FRA10AC1: variants seen among roughly 807,000 people sequenced by gnomAD.
FRA10AC1 encodes FRA10A associated CGG repeat 1.
A neutral mutation model predicts 56.5 loss-of-function variants in FRA10AC1; 43 were observed. The ratio of observed to expected loss-of-function variants is 0.76; its 90% CI spans 0.60 to 0.98. The LOEUF is 0.98. Among genes scored for constraint, FRA10AC1 ranks in the 50% least tolerant of loss-of-function variants. The pLI, the probability that FRA10AC1 is intolerant of heterozygous loss-of-function variation, is 0.00. For synonymous variants in FRA10AC1, 112 were observed against 110.5 expected, an observed-to-expected ratio of 1.01 and a Z score of -0.09; for missense variants, 346 against 351.8, an observed-to-expected ratio of 0.98 and a Z score of 0.13.
At chr10:93,699,631 C>T (rs1179326366) in intron 2 of FRA10AC1, among the ~76,000 whole-genome samples, 1 of 152,226 alleles carries the variant, frequency 6.6e-6, no homozygotes, top group Non-Finnish European at 1.5e-5. Flanking sequence ...CTGCATTATA[C>T]TTTCATCCTC....
In FRA10AC1 at chr10:93,687,455, A is replaced by G; in HGVS notation, c.466-6T>C. The G allele has an allele frequency of 2.0e-6, 3 of 1,507,810 alleles. No individual in the cohort carries two copies. Among genetic ancestry groups the G allele is most frequent in the Non-Finnish European group, 2.7e-6 (3 of 1,112,434 alleles). The allele number at this position is 1,507,810 out of a possible 1,614,324, so 93.4% of individuals were successfully genotyped here. A position where few individuals can be genotyped will look rare whatever the true frequency, so the allele number is the denominator to read the frequency against. On this transcript the variant is annotated splice_polypyrimidine_tract_variant and splice_region_variant and intron_variant, in intron 7 of 13. Coordinates refer to ENST00000359204, the MANE Select transcript of FRA10AC1 (RefSeq NM_145246.5). ...ACTCGCCACCTAAATCCAAACTGAT[A>G]ATAAAAAAATTACATTTATGCCAAT...
chr10:93,687,311 T>C (rs1589722230), intron 8 of FRA10AC1, 93 bp downstream of exon 8: 3 of 991,382 alleles, frequency 3.0e-6, no homozygotes, highest in Non-Finnish European at 4.3e-6. Context: ...TAATAATTTC[T>C]TGTATATGTT....
At chr10:93,677,985 A>G (rs2058872650) in intron 11 of FRA10AC1, among the ~76,000 whole-genome samples, 1 of 152,256 alleles carries the variant, frequency 6.6e-6, no homozygotes, top group Admixed American at 6.5e-5. Context: ...AAGCACTATT[A>G]GGAATTAGAG....
At chr10:93,688,403 G>A (rs1181805642) in intron 7 of FRA10AC1, among the ~76,000 whole-genome samples, 2 of 152,148 alleles carry the variant, frequency 1.3e-5, no homozygotes, top group Non-Finnish European at 2.9e-5. Context: ...GGCAGTGCAA[G>A]TATTCTCTAT....
Position 93,692,723 on chromosome 10 carries a change from AT to A in FRA10AC1, c.302del (p.Asn101MetfsTer25). ...GTATAACATCCAAGTCTGTCTTGTC[AT>A]TTTCCCTGGAAAACAGAACTTTTTC... ...KKEDFKRLGE[N>X]DKTDLDVIRE... is the part of the protein sequence containing the mutation. On this transcript the variant is annotated frameshift_variant, in exon 6 of 14. Coordinates refer to ENST00000359204, the MANE Select transcript of FRA10AC1 (RefSeq NM_145246.5). LOFTEE classifies it high-confidence loss of function. The A allele has an allele frequency of 6.3e-7, 1 of 1,578,250 alleles. No individual in the cohort carries two copies. Among genetic ancestry groups the A allele is most frequent in the East Asian group, 2.3e-5 (1 of 42,818 alleles).
At chr10:93,687,564 G>A in intron 7 of FRA10AC1, 115 bp from the exon 8 acceptor site, 2 of 1,008,298 alleles carry the variant, frequency 2.0e-6, no homozygotes, top group Non-Finnish European at 2.8e-6. Flanking sequence ...TTCCCATCAT[G>A]ACAGATTTTT....
At chr10:93,694,980 T>C (rs779683552) in intron 4 of FRA10AC1, 43 bp from the exon 5 acceptor site, 1 of 1,021,292 alleles carries the variant, frequency 9.8e-7, no homozygotes, top group East Asian at 2.4e-5. Context: ...TTAGGAGCTG[T>C]TTGGTGTCAT....
At chr10:93,696,495 C>T (rs2059237766) in intron 4 of FRA10AC1, among the ~76,000 whole-genome samples, 1 of 152,196 alleles carries the variant, frequency 6.6e-6, no homozygotes, top group Non-Finnish European at 1.5e-5. Context: ...AACACTTTTA[C>T]ACTGTTGGTG....
Position 93,670,793 on chromosome 10 carries a change from T to G in FRA10AC1, c.882A>C (p.Leu294=). The change falls in exon 13 of 14, where the codon CTA becomes CTC. Residue 294 remains leucine (L), a synonymous_variant. Transcript: ENST00000359204. ...ASESELWKGP[L]PETDEKSQEE... ...ACTGTGATTTTTCATCTGTCTCTGG[T>G]AGTGGACCCTTCCAAAGTTCAGATT... is the stretch of plus-strand genomic sequence containing the variant. 6.2e-7 allele frequency: 1 copy of G among 1,609,984 alleles called. No individual in the cohort carries two copies. Among genetic ancestry groups the G allele is most frequent in the South Asian group, 1.1e-5 (1 of 90,968 alleles).
At chr10:93,681,665 T>C (rs2058938204) in intron 10 of FRA10AC1, 67 bp from the exon 11 acceptor site, 1 of 1,372,212 alleles carries the variant, frequency 7.3e-7, no homozygotes. Flanking sequence ...ATAACCATCA[T>C]ATGAACAAAA....
chr10:93,690,779 G>A (rs1196795853), intron 7 of FRA10AC1, among the ~76,000 whole-genome samples: 2 of 152,178 alleles, frequency 1.3e-5, no homozygotes, highest in African/African-American at 4.8e-5. Context: ...TGAACCAGAT[G>A]TGGTACAGAG....
At chr10:93,686,624 A>G (rs1036719478) in intron 8 of FRA10AC1, among the ~76,000 whole-genome samples, 4 of 149,118 alleles carry the variant, frequency 2.7e-5, no homozygotes, top group Non-Finnish European at 6.0e-5. Flanking sequence ...CACACCTAAC[A>G]TAGCCAACTT....
In FRA10AC1 at chr10:93,685,275, C is replaced by A. The variant is rs761981204; in HGVS notation, c.596G>T (p.Gly199Val). 2 of 1,564,542 alleles carry A rather than the reference C, an allele frequency of 1.3e-6. No homozygotes were observed. Among genetic ancestry groups the A allele is most frequent in the Non-Finnish European group, 8.8e-7 (1 of 1,137,100 alleles). The change falls in exon 9 of 14, where the codon GGT becomes GTT. Residue 199 changes from glycine (G) to valine (V), a missense_variant. Coordinates refer to ENST00000359204, the MANE Select transcript of FRA10AC1 (RefSeq NM_145246.5). ...TTTAACAAGTGCATTTCTCTTCTCA[C>A]CATGCTCAATATAACCAAAATTAAC... ...WEVNFGYIEHGEKRNALVKLR... is the reference protein window; with the variant it reads ...WEVNFGYIEHVEKRNALVKLR...
chr10:93,680,762 T>C (rs1242599224), intron 11 of FRA10AC1, among the ~76,000 whole-genome samples: 8 of 152,254 alleles, frequency 5.3e-5, no homozygotes, highest in Non-Finnish European at 1.2e-4. Context: ...ATAGCTAATA[T>C]GTGCCAAGTA....
In FRA10AC1 at chr10:93,692,629, C is replaced by G; in HGVS notation, c.380+17G>C. The G allele has an allele frequency of 6.5e-7, 1 of 1,531,686 alleles. No individual in the cohort carries two copies. Among genetic ancestry groups the G allele is most frequent in the Non-Finnish European group, 9.0e-7 (1 of 1,117,098 alleles). The allele number at this position is 1,531,686 out of a possible 1,614,324, so 94.9% of individuals were successfully genotyped here. On this transcript the variant is annotated intron_variant, in intron 6 of 13. Transcript: ENST00000359204. ...GACTAAAGCATTTGATGCATTACGCCTCTGATGGCTAATTACCAAGTCATG... is the reference window on the plus strand; with the variant it reads ...GACTAAAGCATTTGATGCATTACGCGTCTGATGGCTAATTACCAAGTCATG...
At chr10:93,685,958 C>A (rs1009253392) in intron 8 of FRA10AC1, among the ~76,000 whole-genome samples, 15 of 151,750 alleles carry the variant, frequency 9.9e-5, no homozygotes, top group African/African-American at 3.4e-4. Flanking sequence ...AATAACTTGA[C>A]ACTATTATTA....
At chr10:93,679,838 G>A (rs1318063516) in intron 11 of FRA10AC1, among the ~76,000 whole-genome samples, 1 of 152,118 alleles carries the variant, frequency 6.6e-6, no homozygotes, top group South Asian at 2.1e-4. Context: ...TTTGTAGTAG[G>A]GTGGAGAGAA....
At chr10:93,681,713 AT>A in intron 10 of FRA10AC1, 115 bp from the exon 11 acceptor site, 1 of 932,180 alleles carries the variant, frequency 1.1e-6, no homozygotes, top group Non-Finnish European at 1.5e-6. Flanking sequence ...TTTAAATGTG[AT>A]TTATATAATA....
chr10:93,702,540 G>GCCGCCGCCGCCGCCGCCGCCT lies in FRA10AC1; in HGVS notation c.-167_-166insAGGCGGCGGCGGCGGCGGCGG. ...AACCACCACCGCCGCCGCCGCCGCCGCCGCCGCCCGCAACCCGCCTCTCCC... is the reference window on the plus strand; with the variant it reads ...AACCACCACCGCCGCCGCCGCCGCCGCCGCCGCCGCCGCCGCCGCCTCCGCCGCCCGCAACCCGCCTCTCCC... On this transcript the variant is annotated 5_prime_UTR_variant, in exon 1 of 14. Coordinates refer to ENST00000359204, the MANE Select transcript of FRA10AC1 (RefSeq NM_145246.5). 1 of 233,102 alleles carries GCCGCCGCCGCCGCCGCCGCCT rather than the reference G, an allele frequency of 4.3e-6. No homozygotes were observed. Among genetic ancestry groups the GCCGCCGCCGCCGCCGCCGCCT allele is most frequent in the African/African-American group, 2.3e-5 (1 of 42,700 alleles). 14.4% of individuals were successfully genotyped at this position (233,102 alleles called of 1,614,324 possible). A position where few individuals can be genotyped will look rare whatever the true frequency, so the allele number is the denominator to read the frequency against.
Sources: gnomAD v4.1 joint callset for allele counts (sites outside exome capture counted in the v4.1 genomes callset) on GRCh38, gnomAD v4.1.1 for gene constraint, MANE v1.5 for transcripts, NCBI Gene and HGNC (gene_info 2026-07-23, HGNC 2026-07-21) for gene names.